Variants in COL13A1 observed in about 807,000 individuals in gnomAD.
The protein encoded by COL13A1 is collagen alpha-1(XIII) chain.
A neutral mutation model predicts 130.9 loss-of-function variants in COL13A1; 89 were observed. That is an observed-to-expected ratio of 0.68 (90% CI 0.57 to 0.81). COL13A1 has a LOEUF of 0.81. COL13A1 is among the 30% of genes least tolerant of loss of function. The pLI, the probability that COL13A1 is intolerant of heterozygous loss-of-function variation, is 0.00. For missense variants in COL13A1, 879 were observed against 934.6 expected (o/e 0.94, Z 0.78); for synonymous variants, 402 against 341.6 (o/e 1.18, Z -1.95).
intron 2 of COL13A1, among the ~76,000 whole-genome samples, chr10:69,865,966 G>A (rs892769223): frequency 2.0e-5 from 3 of 152,198 alleles, no homozygotes; most frequent in Admixed American, 6.5e-5. Context: ...TCCGCAAGGC[G>A]GGAATGATAG....
intron 1 of COL13A1, among the ~76,000 whole-genome samples, chr10:69,815,423 G>A (rs771334401): frequency 1.3e-5 from 2 of 152,200 alleles, no homozygotes; most frequent in Non-Finnish European, 2.9e-5. Context: ...GCCACATAGG[G>A]CATTCCAGGA....
chr10:69,958,205 C>T (rs534745141), intron 40 of COL13A1, among the ~76,000 whole-genome samples: 8 of 152,182 alleles, frequency 5.3e-5, no homozygotes, highest in African/African-American at 9.7e-5. Flanking sequence ...CTAGTTAAAG[C>T]GCCACAAAAG....
chr10:69,854,105 C>T (rs1288146561), intron 2 of COL13A1, among the ~76,000 whole-genome samples: 1 of 152,250 alleles, frequency 6.6e-6, no homozygotes, highest in African/African-American at 2.4e-5. Flanking sequence ...CCGAGAACCC[C>T]ACATCCCTGG....
At chr10:69,868,004 C>G (rs904135024) in intron 3 of COL13A1, among the ~76,000 whole-genome samples, 199 bp downstream of exon 3, 1 of 152,110 alleles carries the variant, frequency 6.6e-6, no homozygotes, top group African/African-American at 2.4e-5. Flanking sequence ...CTGCACCCCT[C>G]CAGGGCAAGA....
intron 1 of COL13A1, among the ~76,000 whole-genome samples, chr10:69,818,361 C>T (rs971492909): frequency 6.6e-6 from 1 of 152,182 alleles, no homozygotes; most frequent in Admixed American, 6.5e-5. Context: ...CCCTTTATAC[C>T]ACCCAAATTT....
At chr10:69,948,692 C>A (rs545236501) in intron 38 of COL13A1, among the ~76,000 whole-genome samples, 2 of 152,308 alleles carry the variant, frequency 1.3e-5, no homozygotes, top group Admixed American at 1.3e-4. Context: ...ATTTTCTAAA[C>A]CTCCTTCTTC....
At chr10:69,956,524 A>T (rs74415739) in intron 39 of COL13A1, 2,041 of 169,842 alleles carry the variant, frequency 0.012, 27 homozygotes, top group Non-Finnish European at 0.018. Context: ...AGGACTGTCT[A>T]CATGTCCTCC....
intron 34 of COL13A1, among the ~76,000 whole-genome samples, chr10:69,939,911 A>C (rs1565131191): frequency 6.6e-6 from 1 of 152,142 alleles, no homozygotes; most frequent in Non-Finnish European, 1.5e-5. Flanking sequence ...TTTTCCATGA[A>C]GCAGCAGCTC....
rs1190640503 is a variant in COL13A1, at chr10:69,887,432, T to C, written c.514-24T>C. ...TGTCTCCTCCTTGCTCAATCTCATGTGTCTCTTGTTTTTTTTTTTTCAGGG... is the reference window on the plus strand; with the variant it reads ...TGTCTCCTCCTTGCTCAATCTCATGCGTCTCTTGTTTTTTTTTTTTCAGGG... On this transcript the variant is annotated intron_variant, in intron 7 of 40. Coordinates refer to ENST00000645393, the MANE Select transcript of COL13A1 (RefSeq NM_001368882.1). The C allele has an allele frequency of 1.9e-6, 3 of 1,608,250 alleles. No homozygotes were observed. In the South Asian group the frequency reaches 3.3e-5, roughly 18 times the overall value.
chr10:69,806,812 G>A (rs1366829333), intron 1 of COL13A1, among the ~76,000 whole-genome samples: 5 of 152,180 alleles, frequency 3.3e-5, no homozygotes, highest in African/African-American at 4.8e-5. Context: ...TTCAAGACCA[G>A]CCTGACCAAC....
intron 7 of COL13A1, among the ~76,000 whole-genome samples, chr10:69,880,909 T>C (rs1435105464): frequency 6.6e-6 from 1 of 152,208 alleles, no homozygotes; most frequent in Non-Finnish European, 1.5e-5. Context: ...AGCCTTTGTT[T>C]CTGGAAGCCC....
At chr10:69,809,207 C>T (rs1339355242) in intron 1 of COL13A1, among the ~76,000 whole-genome samples, 1 of 152,228 alleles carries the variant, frequency 6.6e-6, no homozygotes, top group Non-Finnish European at 1.5e-5. Flanking sequence ...GAGATGATGA[C>T]ATCCTCCTTA....
At chr10:69,871,724 A>C (rs2059090241) in intron 3 of COL13A1, among the ~76,000 whole-genome samples, 1 of 152,202 alleles carries the variant, frequency 6.6e-6, no homozygotes, top group Non-Finnish European at 1.5e-5. Context: ...CTCTGGAGGG[A>C]GAAACCAAGG....
chr10:69,878,828 C>G (rs975424469), intron 6 of COL13A1, among the ~76,000 whole-genome samples: 1 of 152,234 alleles, frequency 6.6e-6, no homozygotes, highest in Non-Finnish European at 1.5e-5. Context: ...GGAAACTCAT[C>G]TGATGCCCAA....
At chr10:69,849,284 A>C (rs959592067) in intron 2 of COL13A1, among the ~76,000 whole-genome samples, 1 of 143,564 alleles carries the variant, frequency 7.0e-6, no homozygotes, top group Admixed American at 6.8e-5. Context: ...TTCCTCCAGG[A>C]GGGGCCTGGG....
chr10:69,946,898 C>T (rs2068637205), intron 37 of COL13A1, among the ~76,000 whole-genome samples: 1 of 152,186 alleles, frequency 6.6e-6, no homozygotes, highest in Non-Finnish European at 1.5e-5. Context: ...AGCGATTCTC[C>T]TGCCTCAGCC....
Position 69,866,543 on chromosome 10 carries a change from C to T in COL13A1, c.365-1255C>T, listed in dbSNP as rs142961976. On this transcript the variant is annotated intron_variant, in intron 2 of 40. Coordinates refer to ENST00000645393, the MANE Select transcript of COL13A1 (RefSeq NM_001368882.1). ...GATTCTGGGTGACATTCCTCTGCCA[C>T]TCAGCCTAATGGCTCCCAGATGCTC... 3.2e-3 allele frequency among the ~76,000 whole-genome samples: 491 copies of T among 152,302 alleles called. 1 individual carries two copies. Among genetic ancestry groups the T allele is most frequent in the Middle Eastern group, 6.8e-3 (2 of 294 alleles).
chr10:69,957,644 T>C (rs572843674), intron 40 of COL13A1, among the ~76,000 whole-genome samples: 6 of 152,360 alleles, frequency 3.9e-5, no homozygotes, highest in Admixed American at 1.3e-4. Context: ...CAGTCTGACA[T>C]CATAGGACTG....
chr10:69,882,568 G>A (rs886132653), intron 7 of COL13A1, among the ~76,000 whole-genome samples: 4 of 152,206 alleles, frequency 2.6e-5, no homozygotes, highest in South Asian at 4.1e-4. Context: ...TTTTACAGAG[G>A]AGAGAACAGT....
Sources: gnomAD v4.1 joint callset for allele counts (sites outside exome capture counted in the v4.1 genomes callset) on GRCh38, gnomAD v4.1.1 for gene constraint, MANE v1.5 for transcripts, NCBI Gene and HGNC (gene_info 2026-07-23, HGNC 2026-07-21) for gene names.